The following CLIC5 variants were observed in gnomAD, a reference collection of about 807,000 sequenced individuals.
CLIC5 encodes the protein CLIC family member 5, also known as chloride intracellular channel protein 5.
CLIC5 carries 20 observed loss-of-function variants against 24.7 expected under a neutral mutation model. The observed-to-expected ratio is 0.81, with a 90% confidence interval of 0.57 to 1.18. CLIC5 has a LOEUF of 1.18. Among genes scored for constraint, CLIC5 ranks in the 50% most tolerant of loss-of-function variants. CLIC5 has a pLI of 0.00. For missense variants in CLIC5, 341 were observed against 326.1 expected, an observed-to-expected ratio of 1.05 and a Z score of -0.35; for synonymous variants, 159 against 135.6, an observed-to-expected ratio of 1.17 and a Z score of -1.20.
chr6:45,932,161 G>A (rs1763763119), intron 4 of CLIC5, among the ~76,000 whole-genome samples: 2 of 152,134 alleles, frequency 1.3e-5, no homozygotes, highest in African/African-American at 4.8e-5. Flanking sequence ...CCAGGCTGGA[G>A]TGCAGTGGCA....
At chr6:46,118,010 G>A in the CLIC5 span, among the ~76,000 whole-genome samples, 1 of 152,106 alleles carries the variant, frequency 6.6e-6, no homozygotes, top group African/African-American at 2.4e-5. Context: ...GCCCTTGCCT[G>A]GGTGCCTCCT....
intron 1 of CLIC5, among the ~76,000 whole-genome samples, chr6:46,002,511 G>C (rs1244230586): frequency 6.6e-6 from 1 of 152,090 alleles, no homozygotes; most frequent in Non-Finnish European, 1.5e-5. Flanking sequence ...TTTTTTCCCA[G>C]TGGCATGCAA....
upstream of CLIC5, among the ~76,000 whole-genome samples, chr6:46,082,761 A>G (rs1257488370): frequency 6.6e-6 from 1 of 152,014 alleles, no homozygotes; most frequent in African/African-American, 2.4e-5. Flanking sequence ...CCCAAATCCT[A>G]TCTTAATCCC....
chr6:45,929,392 G>C (rs539389744), intron 4 of CLIC5, among the ~76,000 whole-genome samples: 1 of 152,224 alleles, frequency 6.6e-6, no homozygotes, highest in African/African-American at 2.4e-5. Flanking sequence ...ACATGCAAGT[G>C]CAGAGCCCAC....
intron 4 of CLIC5, among the ~76,000 whole-genome samples, chr6:45,914,822 G>A (rs540920570): frequency 5.3e-5 from 8 of 150,420 alleles, no homozygotes; most frequent in South Asian, 4.2e-4. Flanking sequence ...ATGGTGGCAC[G>A]CGCCTGTAGT....
chr6:45,955,856 T>TTTC (rs1221869569), intron 1 of CLIC5, among the ~76,000 whole-genome samples: 13 of 152,196 alleles, frequency 8.5e-5, no homozygotes, highest in African/African-American at 2.4e-4. Context: ...TAGTTCTGGC[T>TTTC]AGTACTTGGC....
upstream of CLIC5, among the ~76,000 whole-genome samples, chr6:46,083,188 A>T (rs1762960682): frequency 6.6e-6 from 1 of 152,232 alleles, no homozygotes; most frequent in Admixed American, 6.5e-5. Flanking sequence ...AAGGAAGAAG[A>T]TGTATCTAGC....
intron 1 of CLIC5, among the ~76,000 whole-genome samples, chr6:46,053,330 A>C (rs2060931718): frequency 6.6e-6 from 1 of 152,226 alleles, no homozygotes; most frequent in Admixed American, 6.5e-5. Context: ...TGATATAAAG[A>C]AAACAGGAGA....
chr6:45,917,802 C>T (rs537539595), intron 4 of CLIC5, among the ~76,000 whole-genome samples: 1 of 152,282 alleles, frequency 6.6e-6, no homozygotes, highest in Admixed American at 6.5e-5. Flanking sequence ...GGTCATGAAA[C>T]TATTTGAACT....
chr6:45,957,418 C>T (rs1272805354), intron 1 of CLIC5, among the ~76,000 whole-genome samples: 2 of 152,114 alleles, frequency 1.3e-5, no homozygotes, highest in Admixed American at 6.6e-5. Flanking sequence ...AGGTTATCAT[C>T]GTGGTGAAAC....
At chr6:45,958,447 T>TACACACACACACACACACACACACACAC (rs1446493409) in intron 1 of CLIC5, among the ~76,000 whole-genome samples, 1,167 of 72,064 alleles carry the variant, frequency 0.016, 85 homozygotes, top group Non-Finnish European at 0.023. Flanking sequence ...TATATATATA[T>TACACACACACACACACACACACACACAC]ATATATATAT....
At chr6:46,014,811 C>A (rs910960561) in intron 1 of CLIC5, 1 of 152,242 alleles carries the variant, frequency 6.6e-6, no homozygotes, top group African/African-American at 2.4e-5. Flanking sequence ...GCTCCTTCAT[C>A]CCTGTCTGCA....
At chr6:46,009,816 A>T (rs1172961562) in intron 1 of CLIC5, among the ~76,000 whole-genome samples, 1 of 152,182 alleles carries the variant, frequency 6.6e-6, no homozygotes, top group Non-Finnish European at 1.5e-5. Flanking sequence ...GGAAGCAGTT[A>T]TGTAGGAGCT....
intron 1 of CLIC5, among the ~76,000 whole-genome samples, chr6:46,064,960 GCT>G (rs1762401196): frequency 1.7e-5 from 1 of 57,288 alleles, no homozygotes; most frequent in Non-Finnish European, 3.8e-5. Flanking sequence ...AAAAAGATCT[GCT>G]CTTCAAAAGA....
chr6:46,035,530 A>C (rs1273740655), intron 1 of CLIC5, among the ~76,000 whole-genome samples: 3 of 152,140 alleles, frequency 2.0e-5, no homozygotes, highest in Non-Finnish European at 2.9e-5. Flanking sequence ...CTGGATATTG[A>C]ATCTTGCAGA....
chr6:45,988,337 G>T (rs1163846513), intron 1 of CLIC5, among the ~76,000 whole-genome samples: 1 of 152,170 alleles, frequency 6.6e-6, no homozygotes, highest in Non-Finnish European at 1.5e-5. Context: ...CTGCTGGGGT[G>T]GCAGTTCTGC....
chr6:45,889,005 A>G (rs1762327745), intron 6 of CLIC5, among the ~76,000 whole-genome samples: 1 of 152,174 alleles, frequency 6.6e-6, no homozygotes, highest in Admixed American at 6.5e-5. Context: ...GTTGAGGAAT[A>G]TCTACACTAT....
the CLIC5 span, among the ~76,000 whole-genome samples, chr6:46,128,790 G>A: frequency 1.3e-5 from 2 of 152,144 alleles, no homozygotes; most frequent in African/African-American, 2.4e-5. Context: ...AGCTCTGAAA[G>A]CCCATGGATC....
At chr6:46,044,691 C>A (rs1308772820) in intron 1 of CLIC5, among the ~76,000 whole-genome samples, 1 of 152,058 alleles carries the variant, frequency 6.6e-6, no homozygotes, top group African/African-American at 2.4e-5. Context: ...AAACAGTCAT[C>A]TATTTTTCTT....
Sources: allele counts gnomAD v4.1 joint callset (sites outside exome capture counted in the v4.1 genomes callset), GRCh38; gene constraint gnomAD v4.1.1; transcripts MANE v1.5; gene names NCBI Gene and HGNC (gene_info 2026-07-23, HGNC 2026-07-21).